The following PCDHGB6 variants were observed in gnomAD, a reference collection of about 807,000 sequenced individuals.
PCDHGB6 encodes protocadherin gamma-B6.
Under a neutral mutation model 59.1 loss-of-function variants are expected in PCDHGB6, and 51 were observed. That is an observed-to-expected ratio of 0.86 (90% CI 0.69 to 1.09). The LOEUF is 1.09. Ranked by LOEUF, PCDHGB6 falls within the 50% of genes least tolerant of loss-of-function variation. The pLI, the probability that PCDHGB6 is intolerant of heterozygous loss-of-function variation, is 0.00. For synonymous variants in PCDHGB6, 466 were observed against 495.1 expected, an observed-to-expected ratio of 0.94 and a Z score of 0.78; for missense variants, 1,148 against 1,205.1, an observed-to-expected ratio of 0.95 and a Z score of 0.70.
At position 141,477,898 on chromosome 5, in the gene PCDHGB6, A is replaced by C; in HGVS notation, c.2419-16909A>C. The C allele has an allele frequency of 6.2e-7, 1 of 1,614,158 alleles. No individual in the cohort carries two copies. Among genetic ancestry groups the C allele is most frequent in the East Asian group, 2.2e-5 (1 of 44,864 alleles). ...CTGGCCACCTAGTGTCACGGGTGGT[A>C]GGCTGGGACGCGGATGCAGGGCACA... On this transcript the variant is annotated intron_variant, in intron 1 of 3. Transcript: ENST00000520790. This position sits in a 1 kb window ranked among gnomAD's most constrained non-coding sequence, Gnocchi z 4.9.
intron 1 of PCDHGB6, among the ~76,000 whole-genome samples, chr5:141,425,133 A>T (rs1311425564): frequency 6.6e-6 from 1 of 152,200 alleles, no homozygotes; most frequent in Non-Finnish European, 1.5e-5. Flanking sequence ...GTCAAGAAAA[A>T]TGTTCAGGTA....
At chr5:141,453,430 C>A (rs1043851647) in intron 1 of PCDHGB6, among the ~76,000 whole-genome samples, 1 of 152,018 alleles carries the variant, frequency 6.6e-6, no homozygotes, top group Non-Finnish European at 1.5e-5. Flanking sequence ...CCACACCTAG[C>A]CTAGTATTCT....
chr5:141,414,942 C>T, intron 1 of PCDHGB6: 3 of 1,614,126 alleles, frequency 1.9e-6, no homozygotes, highest in Non-Finnish European at 1.7e-6. Context: ...CAGAGCCCGG[C>T]TACCTGGTGA....
Position 141,486,487 on chromosome 5 carries a change from C to G in PCDHGB6, c.2419-8320C>G. The G allele has an allele frequency of 6.2e-7, 1 of 1,614,086 alleles. No homozygotes were observed. The highest frequency in any genetic ancestry group is 1.1e-5 in the South Asian group (1 of 91,074). ...CTGGGAACCCTCCTCTCAGTACCCA[C>G]AGAACTATTTTCCTCAATATTTCAG... On this transcript the variant is annotated intron_variant, in intron 1 of 3. Coordinates refer to ENST00000520790, the MANE Select transcript of PCDHGB6 (RefSeq NM_018926.3). This position sits in a 1 kb window ranked among gnomAD's most constrained non-coding sequence, Gnocchi z 5.0.
intron 3 of PCDHGB6, 137 bp from the exon 4 acceptor site, chr5:141,510,810 A>T: frequency 6.6e-7 from 1 of 1,519,768 alleles, no homozygotes; most frequent in African/African-American, 1.4e-5. Context: ...TACCTTGGTG[A>T]CCCCTATATT....
At chr5:141,505,983 C>G (rs1235662535) in intron 3 of PCDHGB6, among the ~76,000 whole-genome samples, 1 of 152,148 alleles carries the variant, frequency 6.6e-6, no homozygotes, top group Non-Finnish European at 1.5e-5. Context: ...GAGAGAACAC[C>G]TCCTCTTTAT....
In PCDHGB6 at chr5:141,432,177, CTG is replaced by C. The variant is rs769631339; in HGVS notation, c.2418+21560_2418+21561del. 4 of 1,614,102 alleles carry C rather than the reference CTG, an allele frequency of 2.5e-6. No homozygotes were observed. Among genetic ancestry groups the C allele is most frequent in the Admixed American group, 1.7e-5 (1 of 60,012 alleles). ...AATCCCAGAGGAGTTTCCCTCGTCT[CTG>C]TGACCGCCCACGACCCCGACTGTGA... On this transcript the variant is annotated intron_variant, in intron 1 of 3. Transcript: ENST00000520790. The surrounding 1 kb of genome is among the most constrained non-coding windows in gnomAD (Gnocchi z 6.0).
In PCDHGB6 at chr5:141,489,610, C is replaced by A; in HGVS notation, c.2419-5197C>A. 6.2e-7 allele frequency: 1 copy of A among 1,614,090 alleles called. No individual in the cohort carries two copies. Among genetic ancestry groups the A allele is most frequent in the Non-Finnish European group, 8.5e-7 (1 of 1,179,990 alleles). ...GCTAATCCGTGTAGAGGTAGAGATCCTGGATCTCAATGACAACTCTCCTAG... is the reference window on the plus strand; with the variant it reads ...GCTAATCCGTGTAGAGGTAGAGATCATGGATCTCAATGACAACTCTCCTAG... On this transcript the variant is annotated intron_variant, in intron 1 of 3. Transcript: ENST00000520790. The surrounding 1 kb of genome is among the most constrained non-coding windows in gnomAD (Gnocchi z 4.5).
chr5:141,447,389 C>T (rs1467715872), intron 1 of PCDHGB6, among the ~76,000 whole-genome samples: 1 of 152,150 alleles, frequency 6.6e-6, no homozygotes, highest in African/African-American at 2.4e-5. Context: ...CTGCCCACCT[C>T]GGCCTCCCAA....
chr5:141,456,878 G>A (rs71583646), intron 1 of PCDHGB6, among the ~76,000 whole-genome samples: 21 of 152,162 alleles, frequency 1.4e-4, no homozygotes, highest in African/African-American at 2.4e-4. Flanking sequence ...CAGGAGAATC[G>A]CTTGAACCCG....
chr5:141,472,602 T>A (rs1032061805), intron 1 of PCDHGB6, among the ~76,000 whole-genome samples: 1 of 152,026 alleles, frequency 6.6e-6, no homozygotes, highest in South Asian at 2.1e-4. Context: ...CTTGAAATTA[T>A]AAAACAAAGA....
At chr5:141,456,453 A>G (rs1395554812) in intron 1 of PCDHGB6, among the ~76,000 whole-genome samples, 1 of 152,190 alleles carries the variant, frequency 6.6e-6, no homozygotes, top group Non-Finnish European at 1.5e-5. Flanking sequence ...GAGTCCAAAT[A>G]TCAATACAAG....
At chr5:141,478,795 C>T (rs919747545) in intron 1 of PCDHGB6, 7 of 1,468,056 alleles carry the variant, frequency 4.8e-6, no homozygotes, top group Non-Finnish European at 6.3e-6. Flanking sequence ...ACATCCTCAG[C>T]ACTCTTTTGC....
intron 1 of PCDHGB6, chr5:141,424,024 C>T: frequency 9.6e-7 from 1 of 1,045,488 alleles, no homozygotes; most frequent in Non-Finnish European, 1.2e-6. Flanking sequence ...GATTCACAAA[C>T]ACTTTTTATT....
intron 1 of PCDHGB6, among the ~76,000 whole-genome samples, chr5:141,484,627 A>G (rs866882607): frequency 5.3e-5 from 8 of 152,162 alleles, no homozygotes; most frequent in Middle Eastern, 3.4e-3. Flanking sequence ...TGGCTTGAAC[A>G]AAGTGACCAC....
rs778681839 is a variant in PCDHGB6, at chr5:141,409,600, G to A, written c.1398G>A (p.Pro466=). The A allele has an allele frequency of 6.2e-7, 1 of 1,613,764 alleles. No homozygotes were observed. ...TGGTCCACGTGGCCGAGAACAACCC[G>A]CCAGGAGCCTCCATTGCGCAAGTGA... The part of the protein sequence containing the change: ...SYVVHVAENN[P]PGASIAQVSA... The change falls in exon 1 of 4, where the codon CCG becomes CCA. Residue 466 remains proline (P), a synonymous_variant. Transcript: ENST00000520790.
chr5:141,418,513 G>A (rs377653202), intron 1 of PCDHGB6: 1 of 1,613,960 alleles, frequency 6.2e-7, no homozygotes, highest in Non-Finnish European at 8.5e-7. Flanking sequence ...TAGATGGTGG[G>A]GACCCTCCCC....
Position 141,414,954 on chromosome 5 carries a change from C to T in PCDHGB6, c.2418+4334C>T, listed in dbSNP as rs759955017. ...CCGCAGAGCCCGGCTACCTGGTGAC[C>T]AAGGTGGTGGCGGTGGACAGAGACT... On this transcript the variant is annotated intron_variant, in intron 1 of 3. Coordinates refer to ENST00000520790, the MANE Select transcript of PCDHGB6 (RefSeq NM_018926.3). 10 of 1,614,058 alleles carry T rather than the reference C, an allele frequency of 6.2e-6. No individual in the cohort carries two copies. The Admixed American group carries it at 1.7e-4, about 27-fold the overall frequency.
intron 1 of PCDHGB6, among the ~76,000 whole-genome samples, chr5:141,455,125 A>G (rs952979433): frequency 3.5e-4 from 53 of 151,762 alleles, no homozygotes; most frequent in Non-Finnish European, 1.0e-4. Flanking sequence ...CTAATGTTTT[A>G]AATTACACTG....
Sources: allele counts gnomAD v4.1 joint callset (sites outside exome capture counted in the v4.1 genomes callset), GRCh38; gene constraint gnomAD v4.1.1; non-coding constraint Gnocchi (gnomAD v3.1); transcripts MANE v1.5; gene names NCBI Gene and HGNC (gene_info 2026-07-23, HGNC 2026-07-21).